TMEM71: variants seen among roughly 807,000 people sequenced by gnomAD.
TMEM71 encodes the protein transmembrane protein 71.
A neutral mutation model predicts 38.0 loss-of-function variants in TMEM71; 44 were observed. That is an observed-to-expected ratio of 1.16 (90% confidence interval 0.91 to 1.49). The LOEUF (loss-of-function observed/expected upper bound fraction) is 1.49, where lower values mean the gene tolerates loss of function less well. Among genes scored for constraint, TMEM71 ranks in the 40% most tolerant of loss-of-function variants. TMEM71 has a pLI of 0.00. For missense variants in TMEM71, 367 were observed against 348.6 expected, an observed-to-expected ratio of 1.05 and a Z score of -0.42; for synonymous variants, 133 against 122.5, an observed-to-expected ratio of 1.09 and a Z score of -0.56.
rs59776482 is a variant in TMEM71 at position 132,728,013 on chromosome 8, AGTGTGTGTGTGTGTGTGTGT to A, written c.488-47_488-28del. ...TGAAAAAGCAGAGGGGTTCAGTGTG[AGTGTGTGTGTGTGTGTGTGT>A]GTGTGTGTGTGTGTGTTCAGTGACT... On this transcript the variant is annotated intron_variant, in intron 5 of 9. Coordinates refer to ENST00000677595, the MANE Select transcript of TMEM71 (RefSeq NM_001382403.1). 4.6e-6 allele frequency: 5 copies of A among 1,079,624 alleles called. No individual in the cohort carries two copies. The East Asian group carries it at 1.3e-4, about 28-fold the overall frequency. 66.9% of individuals were successfully genotyped at this position (1,079,624 alleles called of 1,614,324 possible). A position where few individuals can be genotyped will look rare whatever the true frequency, so the allele number is the denominator to read the frequency against.
chr8:132,765,937 C>T, the TMEM71 span, among the ~76,000 whole-genome samples: 8 of 151,670 alleles, frequency 5.3e-5, no homozygotes, highest in South Asian at 6.3e-4. Context: ...TACAGGCACC[C>T]GCCACCAGCT....
intron 1 of TMEM71, 86 bp from the exon 2 acceptor site, chr8:132,759,001 A>T: frequency 1.3e-6 from 1 of 791,172 alleles, no homozygotes. Context: ...TAATTGCACT[A>T]GTCAGATTTG....
In TMEM71 at chr8:132,714,001, C is replaced by T. The variant is rs752226498; in HGVS notation, c.866G>A (p.Cys289Tyr). 13 of 1,613,676 alleles carry T rather than the reference C, an allele frequency of 8.1e-6. No homozygotes were observed. Among genetic ancestry groups the T allele is most frequent in the Non-Finnish European group, 1.1e-5 (13 of 1,179,784 alleles). Residue 289 changes from cysteine (C) to tyrosine (Y), a missense_variant, in exon 9 of 10, where the codon TGT (cysteine) becomes TAT (tyrosine). By Grantham distance (194) the Cys-to-Tyr change is radical. Coordinates refer to ENST00000677595, the MANE Select transcript of TMEM71 (RefSeq NM_001382403.1). ...TGACACAGGCAACACTTACCGAGCACAGGCAGTGGTTTTGAAATAGCTGGC... is the reference window on the plus strand; with the variant it reads ...TGACACAGGCAACACTTACCGAGCATAGGCAGTGGTTTTGAAATAGCTGGC... Reference protein sequence around the residue: ...SLASYFKTTACARFVKI With the variant: ...SLASYFKTTAYARFVKI
At chr8:132,711,924 G>T (rs773463025) in intron 9 of TMEM71, among the ~76,000 whole-genome samples, 2 of 151,986 alleles carry the variant, frequency 1.3e-5, no homozygotes. Flanking sequence ...GGAGACTTAT[G>T]AGTCATTCTT....
At chr8:132,765,841 T>G in the TMEM71 span, among the ~76,000 whole-genome samples, 1 of 151,978 alleles carries the variant, frequency 6.6e-6, no homozygotes, top group East Asian at 1.9e-4. Context: ...CAGGCTAGAG[T>G]GCAGTGGCAC....
intron 6 of TMEM71, among the ~76,000 whole-genome samples, chr8:132,724,721 T>A (rs2131047562): frequency 6.6e-6 from 1 of 152,300 alleles, no homozygotes; most frequent in South Asian, 2.1e-4. Flanking sequence ...AAGAGAGGCA[T>A]AACAAATTAT....
At chr8:132,767,828 T>C in the TMEM71 span, among the ~76,000 whole-genome samples, 1 of 152,304 alleles carries the variant, frequency 6.6e-6, no homozygotes, top group African/African-American at 2.4e-5. Flanking sequence ...AACCTGTTGC[T>C]TAGGCATCTG....
At chr8:132,706,955 CA>C (rs200742823), downstream of TMEM71, among the ~76,000 whole-genome samples, 1,571 of 152,024 alleles carry the variant, frequency 0.01, 29 homozygotes, top group African/African-American at 0.036. Flanking sequence ...AAATTCAAAA[CA>C]AAAAACGATT....
chr8:132,735,830 G>T (rs1300408383), intron 5 of TMEM71, among the ~76,000 whole-genome samples: 1 of 152,114 alleles, frequency 6.6e-6, no homozygotes, highest in East Asian at 1.9e-4. Flanking sequence ...GAACCTGCTT[G>T]CTCTCAGCCA....
chr8:132,770,537 G>A, the TMEM71 span, among the ~76,000 whole-genome samples: 6 of 152,054 alleles, frequency 3.9e-5, no homozygotes, highest in Non-Finnish European at 5.9e-5. Flanking sequence ...TTGTTTTTAC[G>A]GTCGCCAGGA....
intron 5 of TMEM71, among the ~76,000 whole-genome samples, chr8:132,736,184 A>G (rs1377908432): frequency 6.6e-6 from 1 of 152,222 alleles, no homozygotes; most frequent in African/African-American, 2.4e-5. Context: ...TTCAACGTTC[A>G]CTGTTGCTCT....
chr8:132,775,422 G>A, the TMEM71 span: 4 of 385,396 alleles, frequency 1.0e-5, no homozygotes, highest in Non-Finnish European at 1.8e-5. Flanking sequence ...CGGCGGCGGC[G>A]GCGATGGCAG....
intron 3 of TMEM71, among the ~76,000 whole-genome samples, chr8:132,754,232 C>T (rs1200357140): frequency 6.6e-6 from 1 of 152,056 alleles, no homozygotes; most frequent in East Asian, 1.9e-4. Context: ...TTTTTTCCCT[C>T]CAGTTACCAA....
chr8:132,724,226 G>T (rs550312763), intron 6 of TMEM71, among the ~76,000 whole-genome samples: 2 of 152,142 alleles, frequency 1.3e-5, no homozygotes, highest in Admixed American at 6.5e-5. Context: ...GCAGAGAACC[G>T]GTCTGACCTC....
chr8:132,707,687 T>G (rs1826113325), downstream of TMEM71, among the ~76,000 whole-genome samples: 1 of 152,196 alleles, frequency 6.6e-6, no homozygotes, highest in South Asian at 2.1e-4. Flanking sequence ...CTGCCAGAAC[T>G]GTGAGAAATA....
downstream of TMEM71, chr8:132,709,910 A>G (rs957705657): frequency 6.6e-5 from 10 of 152,028 alleles, no homozygotes; most frequent in African/African-American, 2.4e-4. Context: ...AAAAATATAT[A>G]TATACATATA....
chr8:132,744,018 A>G (rs1828197438), intron 5 of TMEM71, among the ~76,000 whole-genome samples: 1 of 152,036 alleles, frequency 6.6e-6, no homozygotes, highest in South Asian at 2.1e-4. Context: ...CCATTATATC[A>G]TATAATTTTT....
At chr8:132,766,784 A>G in the TMEM71 span, among the ~76,000 whole-genome samples, 2 of 74,026 alleles carry the variant, frequency 2.7e-5, no homozygotes, top group Non-Finnish European at 3.6e-5. Flanking sequence ...GACTCTGTCT[A>G]AAAAAAAAAA....
intron 5 of TMEM71, among the ~76,000 whole-genome samples, chr8:132,734,797 A>AGTTGTAT (rs1827655541): frequency 6.6e-6 from 1 of 152,200 alleles, no homozygotes; most frequent in Non-Finnish European, 1.5e-5. Flanking sequence ...AAATAGCTCT[A>AGTTGTAT]GTTGTATTAT....
Sources: allele counts gnomAD v4.1 joint callset (sites outside exome capture counted in the v4.1 genomes callset), GRCh38; gene constraint gnomAD v4.1.1; transcripts MANE v1.5; gene names NCBI Gene and HGNC (gene_info 2026-07-23, HGNC 2026-07-21).